The following DNAH14 variants were observed in gnomAD, a reference collection of about 807,000 sequenced individuals.
DNAH14 encodes the protein axonemal beta dynein heavy chain 14.
A neutral mutation model predicts 520.9 loss-of-function variants in DNAH14; 478 were observed. The ratio of observed to expected loss-of-function variants is 0.92; its 90% confidence interval spans 0.85 to 0.99. The LOEUF (loss-of-function observed/expected upper bound fraction) is 0.99, where lower values mean the gene tolerates loss of function less well. Ranked by LOEUF, DNAH14 falls within the 50% of genes least tolerant of loss-of-function variation. The pLI, the probability that DNAH14 is intolerant of heterozygous loss-of-function variation, is 0.00. For missense variants in DNAH14, 4,831 were observed against 5,234.5 expected (o/e 0.92, Z 2.38); for synonymous variants, 1,581 against 1,757.2 (o/e 0.90, Z 2.51).
intron 53 of DNAH14, among the ~76,000 whole-genome samples, chr1:225,276,674 G>A (rs2093475497): frequency 6.6e-6 from 1 of 151,846 alleles, no homozygotes; most frequent in Admixed American, 6.6e-5. Context: ...GAGGCAGGAG[G>A]ATCACTTGAG....
rs2094939777 is a variant in DNAH14, at chr1:225,335,396, TG to T, written c.10081-1869del. On this transcript the variant is annotated intron_variant, in intron 66 of 85. Coordinates refer to ENST00000682510, the MANE Select transcript of DNAH14 (RefSeq NM_001367479.1). ...GTGTGTGTATATGCACATATACACATGTGTACATGTGTGTGTATGCACATAT... is the reference window on the plus strand; with the variant it reads ...GTGTGTGTATATGCACATATACACATTGTACATGTGTGTGTATGCACATAT... Among the ~76,000 whole-genome samples, 3 of 66,452 alleles carry T rather than the reference TG, an allele frequency of 4.5e-5. 1 individual carries two copies. Among genetic ancestry groups the T allele is most frequent in the Admixed American group, 3.1e-4 (2 of 6,420 alleles). The allele number at this position is 66,452 out of a possible 152,430, so 43.6% of individuals were successfully genotyped here. A position where few individuals can be genotyped will look rare whatever the true frequency, so the allele number is the denominator to read the frequency against.
At chr1:225,262,553 C>T (rs1218871446) in intron 46 of DNAH14, among the ~76,000 whole-genome samples, 1 of 151,948 alleles carries the variant, frequency 6.6e-6, no homozygotes, top group Non-Finnish European at 1.5e-5. Flanking sequence ...TTTCATTCTT[C>T]TATATGATGT....
Position 225,007,425 on chromosome 1 carries a change from C to A in DNAH14, c.988C>A (p.Arg330=). The A allele has an allele frequency of 6.5e-7, 1 of 1,535,014 alleles. No individual in the cohort carries two copies. Among genetic ancestry groups the A allele is most frequent in the South Asian group, 1.2e-5 (1 of 81,690 alleles). Residue 330 remains arginine (R), a synonymous_variant, in exon 10 of 86, where the codon CGA becomes AGA. Coordinates refer to ENST00000682510, the MANE Select transcript of DNAH14 (RefSeq NM_001367479.1). ...AICLVKLDSS[R]TYSLDEFCEE... ...ATCATCTAATTAGCTGGATAGTTCT[C>A]GAACATATTCTCTAGATGAATTTTG...
chr1:225,059,730 A>G (rs557044529), intron 17 of DNAH14, among the ~76,000 whole-genome samples: 28 of 152,196 alleles, frequency 1.8e-4, no homozygotes, highest in African/African-American at 6.7e-4. Context: ...TGGTGGTGAC[A>G]AAATCTCTCA....
At chr1:225,397,203 T>G (rs989927293) in intron 84 of DNAH14, 1 of 152,162 alleles carries the variant, frequency 6.6e-6, no homozygotes, top group African/African-American at 2.4e-5. Context: ...GGTCTCGATC[T>G]CCTGACCTCG....
At chr1:225,175,060 T>G (rs1225772191) in intron 36 of DNAH14, among the ~76,000 whole-genome samples, 1 of 152,242 alleles carries the variant, frequency 6.6e-6, no homozygotes, top group Non-Finnish European at 1.5e-5. Context: ...TTTAATGTCT[T>G]GTTAAATTCA....
At chr1:224,942,973 G>A (rs190439417) in intron 1 of DNAH14, among the ~76,000 whole-genome samples, 1 of 152,052 alleles carries the variant, frequency 6.6e-6, no homozygotes, top group Non-Finnish European at 1.5e-5. Flanking sequence ...CTCTTTTTTT[G>A]TTGTGTCTCT....
intron 36 of DNAH14, among the ~76,000 whole-genome samples, chr1:225,171,389 G>T (rs34530213): frequency 0.13 from 19,406 of 151,852 alleles, 1,391 homozygotes; most frequent in East Asian, 0.31. Context: ...TGATAAAGAA[G>T]AAAAGAGAGA....
intron 27 of DNAH14, among the ~76,000 whole-genome samples, chr1:225,136,479 C>G: frequency 6.6e-6 from 1 of 152,102 alleles, no homozygotes; most frequent in African/African-American, 2.4e-5. Flanking sequence ...TGAATATTGG[C>G]CCCCAATCTC....
chr1:225,108,618 C>T (rs1471755645), intron 23 of DNAH14, among the ~76,000 whole-genome samples: 1 of 151,878 alleles, frequency 6.6e-6, no homozygotes, highest in East Asian at 1.9e-4. Context: ...GTTATTAATC[C>T]CTTGTCAGAT....
intron 17 of DNAH14, among the ~76,000 whole-genome samples, chr1:225,072,176 C>T (rs1271214841): frequency 6.6e-6 from 1 of 152,168 alleles, no homozygotes; most frequent in Non-Finnish European, 1.5e-5. Context: ...TTCAGGTACA[C>T]CAATCAGTCA....
At chr1:225,315,498 A>G (rs2094449725) in intron 60 of DNAH14, among the ~76,000 whole-genome samples, 1 of 151,938 alleles carries the variant, frequency 6.6e-6, no homozygotes, top group Admixed American at 6.6e-5. Context: ...AGGAGTTGTG[A>G]TCCTTTGGAG....
chr1:225,303,466 T>A, intron 57 of DNAH14, 119 bp downstream of exon 57: 1 of 808,638 alleles, frequency 1.2e-6, no homozygotes, highest in Non-Finnish European at 1.9e-6. Context: ...TAATTTACAA[T>A]AAAATGGATC....
intron 60 of DNAH14, among the ~76,000 whole-genome samples, chr1:225,316,802 T>A (rs1357437922): frequency 6.6e-6 from 1 of 152,218 alleles, no homozygotes; most frequent in African/African-American, 2.4e-5. Flanking sequence ...TATTTGGCCA[T>A]CTTGGCCCAA....
chr1:225,034,401 G>A (rs996936979), intron 11 of DNAH14, among the ~76,000 whole-genome samples: 1 of 152,066 alleles, frequency 6.6e-6, no homozygotes, highest in African/African-American at 2.4e-5. Flanking sequence ...GGATCCTGGG[G>A]ATGAAGCCTA....
intron 1 of DNAH14, among the ~76,000 whole-genome samples, chr1:224,947,940 TGATC>T (rs2059948581): frequency 6.6e-6 from 1 of 152,086 alleles, no homozygotes; most frequent in African/African-American, 2.4e-5. Flanking sequence ...ACTTACAGTA[TGATC>T]CAGTAGGTGG....
intron 36 of DNAH14, among the ~76,000 whole-genome samples, chr1:225,179,009 C>T (rs534549972): frequency 2.6e-5 from 4 of 152,304 alleles, no homozygotes; most frequent in African/African-American, 9.6e-5. Flanking sequence ...ACTTGCTTCT[C>T]CTTGCCTTCT....
At chr1:224,947,166 C>A (rs2059899298) in intron 1 of DNAH14, among the ~76,000 whole-genome samples, 1 of 152,058 alleles carries the variant, frequency 6.6e-6, no homozygotes, top group Admixed American at 6.6e-5. Context: ...GATCTGCTCA[C>A]CTTGGCCTCC....
chr1:225,328,404 G>T (rs964147680), intron 64 of DNAH14, among the ~76,000 whole-genome samples: 1 of 151,980 alleles, frequency 6.6e-6, no homozygotes, highest in African/African-American at 2.4e-5. Context: ...TCAACCACAG[G>T]CTTCATGAGA....
Sources: allele counts gnomAD v4.1 joint callset (sites outside exome capture counted in the v4.1 genomes callset), GRCh38; gene constraint gnomAD v4.1.1; transcripts MANE v1.5; gene names NCBI Gene and HGNC (gene_info 2026-07-23, HGNC 2026-07-21).